The following SLC6A14 variants were observed in gnomAD, a reference collection of about 807,000 sequenced individuals.
SLC6A14 encodes sodium- and chloride-dependent neutral and basic amino acid transporter B(0+).
Under a neutral mutation model 51.4 loss-of-function variants are expected in SLC6A14, and 21 were observed. That is an observed-to-expected ratio of 0.41 (90% confidence interval 0.29 to 0.59). The LOEUF (loss-of-function observed/expected upper bound fraction) is 0.59, where lower values mean the gene tolerates loss of function less well. Ranked by LOEUF, SLC6A14 falls within the 20% of genes least tolerant of loss-of-function variation. The pLI, the probability that SLC6A14 is intolerant of heterozygous loss-of-function variation, is 0.31. For missense variants in SLC6A14, 371 were observed against 472.8 expected, an observed-to-expected ratio of 0.78 and a Z score of 2.00; for synonymous variants, 177 against 160.7, an observed-to-expected ratio of 1.10 and a Z score of -0.77.
In SLC6A14 at chrX:116,443,746, T is replaced by C; in HGVS notation, c.612T>C (p.Ser204=). ...DINNFTCING[S]EIYQPGQLPS... The stretch of plus-strand genomic sequence containing the variant: ...ACAATTTTACCTGCATCAACGGCAG[T>C]GAAATTTATCAGCCAGGGCAGCTTC... The change falls in exon 5 of 14, where the codon AGT becomes AGC. Residue 204 remains serine (S), a synonymous_variant. Coordinates refer to ENST00000598581, the MANE Select transcript of SLC6A14 (RefSeq NM_007231.5). 1.7e-6 allele frequency: 2 copies of C among 1,207,714 alleles called. No individual in the cohort carries two copies. Among genetic ancestry groups the C allele is most frequent in the Non-Finnish European group, 1.1e-6 (1 of 893,306 alleles).
intron 7 of SLC6A14, among the ~76,000 whole-genome samples, chrX:116,447,674 T>C (rs1265586605): frequency 9.1e-6 from 1 of 109,312 alleles, no homozygotes; most frequent in Non-Finnish European, 1.9e-5. Flanking sequence ...CTCTGCTCAC[T>C]GCAAACTGCC....
At position 116,455,294 on chromosome X, in the gene SLC6A14, T is replaced by G. The variant is rs143198321; in HGVS notation, c.1505-63T>G. 1.2e-3 allele frequency: 1,041 copies of G among 892,114 alleles called. 7 individuals carry two copies. In the African/African-American group the frequency reaches 0.018, roughly 15 times the overall value. The allele number at this position is 892,114 out of a possible 1,213,427, so 73.5% of individuals were successfully genotyped here. On this transcript the variant is annotated intron_variant, in intron 11 of 13. Transcript: ENST00000598581. The stretch of plus-strand genomic sequence containing the variant: ...TGTTTAGACACAGAAAGATAATTGA[T>G]GCCATAATGGTTACTGGAAGAAAAT...
chrX:116,455,982 G>A (rs1927926558), intron 12 of SLC6A14, among the ~76,000 whole-genome samples: 1 of 111,199 alleles, frequency 9.0e-6, no homozygotes, highest in Non-Finnish European at 1.9e-5. Context: ...ACTTACCTGT[G>A]TCAATAAGGG....
intron 13 of SLC6A14, 126 bp downstream of exon 13, chrX:116,457,902 A>C: frequency 2.0e-6 from 1 of 497,952 alleles, no homozygotes; most frequent in East Asian, 3.5e-5. Context: ...CCTCTTGGCT[A>C]CTTCTATACC....
At position 116,451,654 on chromosome X, in the gene SLC6A14, T is replaced by C; in HGVS notation, c.1143T>C (p.Ser381=). The C allele has an allele frequency of 1.7e-6, 2 of 1,182,051 alleles. No individual in the cohort carries two copies. Among genetic ancestry groups the C allele is most frequent in the Non-Finnish European group, 2.3e-6 (2 of 869,234 alleles). The change falls in exon 8 of 14, where the codon TCT becomes TCC. Residue 381 remains serine, a synonymous_variant. Transcript: ENST00000598581. Reference sequence around the variant, plus strand: ...CCCATATATCTGGAAAGGAAGTTTCTCAAGTTGTAAAATCAGGTATATAAT... The same window carrying C: ...CCCATATATCTGGAAAGGAAGTTTCCCAAGTTGTAAAATCAGGTATATAAT... ...HMAHISGKEV[S]QVVKSGFDLA... is the part of the protein sequence containing the mutation.
intron 7 of SLC6A14, among the ~76,000 whole-genome samples, chrX:116,449,240 T>C (rs1556694246): frequency 5.3e-5 from 6 of 112,286 alleles, no homozygotes; most frequent in African/African-American, 1.9e-4. Context: ...GTCCCTAATG[T>C]AATAATCTTG....
Position 116,442,730 on chromosome X carries a change from C to G in SLC6A14, c.390C>G (p.Ile130Met). 7 of 1,165,768 alleles carry G rather than the reference C, an allele frequency of 6.0e-6. No homozygotes were observed. The highest frequency in any genetic ancestry group is 8.0e-6 in the Non-Finnish European group (7 of 872,968). The change falls in exon 4 of 14, where the codon ATC (isoleucine) becomes ATG (methionine). Residue 130 changes from isoleucine to methionine, a missense_variant. Coordinates refer to ENST00000598581, the MANE Select transcript of SLC6A14 (RefSeq NM_007231.5). ...TCCTGATCTCCATTTTTGTGACAAT[C>G]TATTACAATGTCATAATTGCCTATA... ...TMVLISIFVT[I>M]YYNVIIAYSL...
intron 10 of SLC6A14, among the ~76,000 whole-genome samples, 166 bp from the exon 11 acceptor site, chrX:116,454,811 T>C (rs782322938): frequency 8.9e-6 from 1 of 112,097 alleles, no homozygotes. Flanking sequence ...TTGAGATATT[T>C]AAAGTCACAT....
intron 13 of SLC6A14, among the ~76,000 whole-genome samples, chrX:116,458,390 T>C: frequency 9.0e-6 from 1 of 111,360 alleles, no homozygotes; most frequent in Non-Finnish European, 1.9e-5. Context: ...GGTTTGATCC[T>C]GGAACTCCCA....
rs781811341 is a variant in SLC6A14 at position 116,436,634 on chromosome X, A to G, written c.-76A>G. 24 of 1,047,039 alleles carry G rather than the reference A, an allele frequency of 2.3e-5. No homozygotes were observed. Among genetic ancestry groups the G allele is most frequent in the Non-Finnish European group, 1.3e-6 (1 of 775,602 alleles). 86.3% of individuals were successfully genotyped at this position (1,047,039 alleles called of 1,213,427 possible). A position where few individuals can be genotyped will look rare whatever the true frequency, so the allele number is the denominator to read the frequency against. On this transcript the variant is annotated 5_prime_UTR_variant, in exon 1 of 14. Coordinates refer to ENST00000598581, the MANE Select transcript of SLC6A14 (RefSeq NM_007231.5). Reference sequence around the variant, plus strand: ...TCACTCTGGCAGGTAGGAACAGGGGAGAGTGCACCTGCTACCAGTCAAGCT... The same window carrying G: ...TCACTCTGGCAGGTAGGAACAGGGGGGAGTGCACCTGCTACCAGTCAAGCT...
Position 116,444,966 on chromosome X carries a change from T to C in SLC6A14, c.705T>C (p.Ile235=), listed in dbSNP as rs1927676354. ...GTGGAATGAATGAGACTGGAGTAAT[T>C]GTTTGGTATTTAGCACTTTGTCTTC... ...RSSGMNETGV[I]VWYLALCLLL... Residue 235 remains isoleucine, a synonymous_variant, in exon 6 of 14, where the codon ATT becomes ATC. Coordinates refer to ENST00000598581, the MANE Select transcript of SLC6A14 (RefSeq NM_007231.5). The C allele has an allele frequency of 8.3e-7, 1 of 1,207,634 alleles. No homozygotes were observed. Among genetic ancestry groups the C allele is most frequent in the Non-Finnish European group, 1.1e-6 (1 of 893,492 alleles).
At chrX:116,445,199 A>G in intron 6 of SLC6A14, 149 bp downstream of exon 6, 1 of 512,766 alleles carries the variant, frequency 2.0e-6, no homozygotes, top group Non-Finnish European at 3.0e-6. Flanking sequence ...TTTAAGCTCT[A>G]AGTAAATACA....
intron 10 of SLC6A14, 61 bp downstream of exon 10, chrX:116,454,503 C>T: frequency 1.5e-6 from 1 of 684,029 alleles, no homozygotes; most frequent in Non-Finnish European, 2.3e-6. Context: ...TATAACCTAA[C>T]TAAAGAAACC....
chrX:116,438,727 G>A (rs185523209), intron 2 of SLC6A14, among the ~76,000 whole-genome samples: 3 of 111,815 alleles, frequency 2.7e-5, no homozygotes, highest in East Asian at 2.8e-4. Flanking sequence ...TTATTTACTC[G>A]TAATTACAGG....
intron 4 of SLC6A14, among the ~76,000 whole-genome samples, chrX:116,443,160 G>A (rs1927633509): frequency 9.0e-6 from 1 of 111,286 alleles, no homozygotes; most frequent in Non-Finnish European, 1.9e-5. Context: ...TCAGGAGACA[G>A]TAGGTGTTGT....
rs782573145 is a variant in SLC6A14 at position 116,451,452 on chromosome X, A to G, written c.941A>G (p.Asp314Gly). 1 of 1,200,336 alleles carries G rather than the reference A, an allele frequency of 8.3e-7. No homozygotes were observed. Among genetic ancestry groups the G allele is most frequent in the Non-Finnish European group, 1.1e-6 (1 of 886,418 alleles). ...TKLKEAEVWK[D>G]AATQIFYSLS... ...TATTTTCTCTTATAGGTATGGAAAG[A>G]TGCTGCCACTCAGATATTTTACTCC... The change falls in exon 8 of 14, where the codon GAT (aspartate) becomes GGT (glycine). Residue 314 changes from aspartate (D) to glycine (G), a missense_variant. Asp to Gly is a moderately conservative substitution (Grantham distance 94, BLOSUM62 -1). Around this residue, in one of 2 missense-constraint regions of SLC6A14, gnomAD observed 277 missense variants for 391.8 expected, o/e 0.71. Transcript: ENST00000598581.
At chrX:116,449,962 C>T (rs1241375226) in intron 7 of SLC6A14, among the ~76,000 whole-genome samples, 2 of 111,938 alleles carry the variant, frequency 1.8e-5, no homozygotes, top group Non-Finnish European at 3.8e-5. Flanking sequence ...ATATCATTCA[C>T]ATATCACATA....
intron 1 of SLC6A14, among the ~76,000 whole-genome samples, chrX:116,437,440 C>A (rs1446714886): frequency 4.5e-5 from 5 of 111,455 alleles, no homozygotes; most frequent in African/African-American, 9.8e-5. Context: ...TCATTTTTCC[C>A]TCACACCAGT....
intron 10 of SLC6A14, among the ~76,000 whole-genome samples, chrX:116,454,670 TAC>T (rs1927890188): frequency 9.0e-6 from 1 of 110,829 alleles, no homozygotes; most frequent in African/African-American, 3.3e-5. Flanking sequence ...ACAATAAGAT[TAC>T]AGACTTTAAA....
Sources: allele counts gnomAD v4.1 joint callset (sites outside exome capture counted in the v4.1 genomes callset), GRCh38; gene constraint gnomAD v4.1.1; regional missense constraint gnomAD v4.1.1; transcripts MANE v1.5; gene names NCBI Gene and HGNC (gene_info 2026-07-23, HGNC 2026-07-21).